Variants in TCF7L1 observed in about 807,000 individuals in gnomAD.
TCF7L1 encodes the protein transcription factor 7-like 1.
TCF7L1 carries 18 observed loss-of-function variants against 63.7 expected under a neutral mutation model. The observed-to-expected ratio is 0.28, with a 90% CI of 0.20 to 0.42. The LOEUF is 0.42. TCF7L1 is among the 10% of genes least tolerant of loss of function. TCF7L1 has a pLI of 1.00. For missense variants in TCF7L1, 654 were observed against 779.3 expected (o/e 0.84, Z 1.91); for synonymous variants, 355 against 340.9 (o/e 1.04, Z -0.46).
intron 3 of TCF7L1, among the ~76,000 whole-genome samples, chr2:85,162,216 C>G (rs1001882409): frequency 6.6e-6 from 1 of 152,026 alleles, no homozygotes; most frequent in African/African-American, 2.4e-5. Flanking sequence ...CCCTGAGCAA[C>G]AGAGGGAGAC....
chr2:85,161,538 G>T (rs1364670727), intron 3 of TCF7L1, among the ~76,000 whole-genome samples: 7 of 152,206 alleles, frequency 4.6e-5, no homozygotes, highest in Non-Finnish European at 1.0e-4. Context: ...GGGATGGCTG[G>T]CCTCAGAGGA....
intron 3 of TCF7L1, among the ~76,000 whole-genome samples, chr2:85,175,872 C>T (rs1346534045): frequency 2.6e-5 from 4 of 152,238 alleles, no homozygotes; most frequent in Non-Finnish European, 5.9e-5. Context: ...CCCTTTCTCG[C>T]TGTCACCAGC....
Position 85,134,471 on chromosome 2 carries a change from C to G in TCF7L1, c.441+21C>G, listed in dbSNP as rs1454328813. On this transcript the variant is annotated intron_variant, in intron 3 of 11. Coordinates refer to ENST00000282111, the MANE Select transcript of TCF7L1 (RefSeq NM_031283.3). The surrounding 1 kb of genome is among the most constrained non-coding windows in gnomAD (Gnocchi z 5.0). Reference sequence around the variant, plus strand: ...GCACCGTGAGTGCCCGTCGGGCGCGCCGGGGAGGGTGGGAGGCCGCGGCCC... The same window carrying G: ...GCACCGTGAGTGCCCGTCGGGCGCGGCGGGGAGGGTGGGAGGCCGCGGCCC... The G allele has an allele frequency of 6.5e-7, 1 of 1,548,022 alleles. No homozygotes were observed. The highest frequency in any genetic ancestry group is 2.4e-5 in the East Asian group (1 of 40,850).
chr2:85,265,467 C>G (rs1680945907), intron 3 of TCF7L1, among the ~76,000 whole-genome samples: 1 of 152,180 alleles, frequency 6.6e-6, no homozygotes, highest in Non-Finnish European at 1.5e-5. Flanking sequence ...CAGACCTTCC[C>G]CCAGAGGGGA....
chr2:85,152,439 T>C (rs866242827), intron 3 of TCF7L1, among the ~76,000 whole-genome samples: 4 of 148,174 alleles, frequency 2.7e-5, no homozygotes, highest in Middle Eastern at 3.5e-3. Context: ...CTCTCTCTCT[T>C]TTTTTTTTTT....
rs772334481 is a variant in TCF7L1, at chr2:85,241,437, G to GT, written c.442-42030dup. Among the ~76,000 whole-genome samples the GT allele has an allele frequency of 7.8e-3, 648 of 83,082 alleles. 26 individuals are homozygous for GT. Among genetic ancestry groups the GT allele is most frequent in the South Asian group, 0.014 (29 of 2,010 alleles). 54.5% of individuals were successfully genotyped at this position (83,082 alleles called of 152,430 possible). On this transcript the variant is annotated intron_variant, in intron 3 of 11. Transcript: ENST00000282111. ...AGAGGACTGGATGCACTTTGTTTTT[G>GT]TTTTTTTTTTTTTTTTTTTTTTTTT... is the stretch of plus-strand genomic sequence containing the variant.
At chr2:85,269,350 G>C (rs1435600649) in intron 3 of TCF7L1, among the ~76,000 whole-genome samples, 1 of 152,166 alleles carries the variant, frequency 6.6e-6, no homozygotes, top group African/African-American at 2.4e-5. Context: ...GTAAGCAACA[G>C]TATCCAAGAT....
At chr2:85,268,313 A>G (rs2075948382) in intron 3 of TCF7L1, among the ~76,000 whole-genome samples, 1 of 152,130 alleles carries the variant, frequency 6.6e-6, no homozygotes, top group South Asian at 2.1e-4. Context: ...CAACATTTCC[A>G]CTAGAGCTGC....
rs1248195799 is a variant in TCF7L1, at chr2:85,206,992, TTC to T, written c.441+72544_441+72545del. Among the ~76,000 whole-genome samples, 6 of 152,328 alleles carry T rather than the reference TTC, an allele frequency of 3.9e-5. No individual in the cohort carries two copies. In the East Asian group the frequency reaches 1.2e-3, roughly 29 times the overall value. On this transcript the variant is annotated intron_variant, in intron 3 of 11. Transcript: ENST00000282111. ...ACAGTGTTAAGGCGCGTGCGTGGTA[TTC>T]TGTCACCCAAAATGTGTTAGCTATG...
chr2:85,257,823 C>G (rs1680754998), intron 3 of TCF7L1, among the ~76,000 whole-genome samples: 1 of 152,212 alleles, frequency 6.6e-6, no homozygotes, highest in South Asian at 2.1e-4. Flanking sequence ...CTGCTACCTG[C>G]CCCCTCCCGC....
chr2:85,225,208 A>G (rs1249703102), intron 3 of TCF7L1, among the ~76,000 whole-genome samples: 1 of 152,188 alleles, frequency 6.6e-6, no homozygotes, highest in East Asian at 1.9e-4. Flanking sequence ...GAAGTCAGGT[A>G]GCATGATGCC....
intron 3 of TCF7L1, among the ~76,000 whole-genome samples, chr2:85,204,742 C>T (rs937522313): frequency 1.3e-5 from 2 of 152,102 alleles, no homozygotes; most frequent in African/African-American, 4.8e-5. Flanking sequence ...TGTGAAATTA[C>T]ACTGTAATGA....
chr2:85,268,370 G>T (rs147978800), intron 3 of TCF7L1, among the ~76,000 whole-genome samples: 127 of 152,094 alleles, frequency 8.4e-4, no homozygotes, highest in African/African-American at 2.9e-3. Flanking sequence ...CTCTAATTTG[G>T]TTAATCCTAG....
chr2:85,177,319 T>C (rs951206812), intron 3 of TCF7L1, among the ~76,000 whole-genome samples: 12 of 152,156 alleles, frequency 7.9e-5, no homozygotes, highest in African/African-American at 2.9e-4. Flanking sequence ...AACACAGGAA[T>C]TTGGTGGCAG....
At chr2:85,288,414 C>T (rs1040777277) in intron 4 of TCF7L1, among the ~76,000 whole-genome samples, 20 of 152,242 alleles carry the variant, frequency 1.3e-4, no homozygotes, top group African/African-American at 4.6e-4. Context: ...TTACTCCATG[C>T]GGCTCTCCAG....
chr2:85,195,191 A>G (rs564647357), intron 3 of TCF7L1, among the ~76,000 whole-genome samples: 1 of 152,362 alleles, frequency 6.6e-6, no homozygotes, highest in East Asian at 1.9e-4. Flanking sequence ...TCATCTGTAA[A>G]GTCAGGATAA....
chr2:85,253,638 A>G (rs1396696835), intron 3 of TCF7L1, among the ~76,000 whole-genome samples: 6 of 152,204 alleles, frequency 3.9e-5, no homozygotes, highest in African/African-American at 1.4e-4. Flanking sequence ...TAGTGTCACA[A>G]CAGAAGAACA....
chr2:85,183,477 A>T (rs1413458060), intron 3 of TCF7L1, among the ~76,000 whole-genome samples: 2 of 152,132 alleles, frequency 1.3e-5, no homozygotes, highest in East Asian at 3.9e-4. Flanking sequence ...TGACATTTCC[A>T]TGATTTTGAC....
intron 3 of TCF7L1, among the ~76,000 whole-genome samples, chr2:85,203,372 A>G (rs777811860): frequency 2.6e-5 from 4 of 152,214 alleles, no homozygotes; most frequent in Non-Finnish European, 5.9e-5. Context: ...ATTAGTTGAA[A>G]TGCATGTTCA....
Sources: allele counts gnomAD v4.1 joint callset (sites outside exome capture counted in the v4.1 genomes callset), GRCh38; gene constraint gnomAD v4.1.1; non-coding constraint Gnocchi (gnomAD v3.1); transcripts MANE v1.5; gene names NCBI Gene and HGNC (gene_info 2026-07-23, HGNC 2026-07-21).